Variants in HDLBP observed in about 807,000 individuals in gnomAD.
HDLBP encodes vigilin.
In HDLBP, 30 loss-of-function variants were observed where a neutral mutation model predicts 137.3. That is an observed-to-expected ratio of 0.22 (90% confidence interval 0.16 to 0.30). The LOEUF (loss-of-function observed/expected upper bound fraction) is 0.30. Among genes scored for constraint, HDLBP ranks in the 10% least tolerant of loss-of-function variants. The pLI is 1.00. For synonymous variants in HDLBP, 606 were observed against 596.0 expected, an observed-to-expected ratio of 1.02 and a Z score of -0.24; for missense variants, 1,119 against 1,667.3, an observed-to-expected ratio of 0.67 and a Z score of 5.73.
At chr2:241,264,780 C>T (rs2073520878) in intron 3 of HDLBP, among the ~76,000 whole-genome samples, 175 bp from the exon 4 acceptor site, 1 of 152,108 alleles carries the variant, frequency 6.6e-6, no homozygotes, top group East Asian at 1.9e-4. Context: ...CCCAGGAGGT[C>T]ACCAGGCCCA....
At chr2:241,259,027 C>T (rs1462805469) in intron 5 of HDLBP, among the ~76,000 whole-genome samples, 1 of 152,190 alleles carries the variant, frequency 6.6e-6, no homozygotes, top group Non-Finnish European at 1.5e-5. Flanking sequence ...ACGATTGCTA[C>T]TGTAACATAA....
intron 1 of HDLBP, among the ~76,000 whole-genome samples, chr2:241,308,756 G>A (rs1367395280): frequency 4.6e-5 from 7 of 152,174 alleles, no homozygotes; most frequent in Admixed American, 3.9e-4. Context: ...ACCTCGACCT[G>A]TGATAACAAC....
chr2:241,262,692 T>A lies in HDLBP; in HGVS notation c.450+19A>T. On this transcript the variant is annotated intron_variant, in intron 5 of 27. Transcript: ENST00000310931. ...CGGGTACACAGTCACTGGGGAGAAG[T>A]AGGCCTCAGGCTACCCACCTGAGTC... 6.3e-7 allele frequency: 1 copy of A among 1,582,402 alleles called. No individual in the cohort carries two copies. Among genetic ancestry groups the A allele is most frequent in the Non-Finnish European group, 8.7e-7 (1 of 1,152,292 alleles).
chr2:241,271,634 AT>A (rs1359081428), intron 1 of HDLBP, among the ~76,000 whole-genome samples: 4 of 152,232 alleles, frequency 2.6e-5, no homozygotes, highest in African/African-American at 9.6e-5. Flanking sequence ...TTCGAAGAGA[AT>A]TATCAGTAAT....
chr2:241,235,331 A>G, intron 22 of HDLBP, 76 bp from the exon 23 acceptor site: 1 of 1,596,710 alleles, frequency 6.3e-7, no homozygotes, highest in South Asian at 1.1e-5. Context: ...TGGGACCCAG[A>G]AGTGGTGAGA....
intron 1 of HDLBP, among the ~76,000 whole-genome samples, chr2:241,300,449 A>G (rs2075354242): frequency 6.6e-6 from 1 of 152,212 alleles, no homozygotes; most frequent in Admixed American, 6.5e-5. Context: ...GGCTTAAGGA[A>G]AGTACACACA....
At chr2:241,258,008 C>T (rs2072819301) in intron 5 of HDLBP, among the ~76,000 whole-genome samples, 1 of 152,124 alleles carries the variant, frequency 6.6e-6, no homozygotes, top group African/African-American at 2.4e-5. Context: ...AATCCCAGCA[C>T]TCCGGGAAGC....
At chr2:241,256,950 T>G (rs1487076532) in intron 5 of HDLBP, 144 bp from the exon 6 acceptor site, 2 of 708,588 alleles carry the variant, frequency 2.8e-6, no homozygotes, top group Non-Finnish European at 4.7e-6. Context: ...AGCATGAGCT[T>G]AAACATCACA....
At position 241,268,517 on chromosome 2, in the gene HDLBP, G is replaced by A. The variant is rs2073844645; in HGVS notation, c.-78C>T. ...TAGCCAGAAGGTCCGTCCTGAGGCC[G>A]CCTCTGTCAGCCTGCCAGCTTTTGC... On this transcript the variant is annotated 5_prime_UTR_variant, in exon 2 of 28. Coordinates refer to ENST00000310931, the MANE Select transcript of HDLBP (RefSeq NM_005336.6). 29 of 985,622 alleles carry A rather than the reference G, an allele frequency of 2.9e-5. No individual in the cohort carries two copies. Among genetic ancestry groups the A allele is most frequent in the Non-Finnish European group, 3.5e-5 (29 of 829,816 alleles). The allele number at this position is 985,622 out of a possible 1,614,324, so 61.1% of individuals were successfully genotyped here.
chr2:241,297,093 G>C (rs902307269), intron 1 of HDLBP, among the ~76,000 whole-genome samples: 5 of 143,144 alleles, frequency 3.5e-5, no homozygotes, highest in Non-Finnish European at 7.7e-5. Flanking sequence ...TGCAAAAAGA[G>C]AGCGTGTAGG....
At chr2:241,310,209 G>C (rs2075719252) in intron 1 of HDLBP, among the ~76,000 whole-genome samples, 1 of 152,002 alleles carries the variant, frequency 6.6e-6, no homozygotes, top group Non-Finnish European at 1.5e-5. Flanking sequence ...GAGGGAACAA[G>C]AAAAAGCTCT....
chr2:241,280,053 C>T, intron 1 of HDLBP: 1 of 985,388 alleles, frequency 1.0e-6, no homozygotes, highest in Non-Finnish European at 1.2e-6. Context: ...AGGCGCCCAC[C>T]ACTTCCTTGG....
Position 241,252,996 on chromosome 2 carries a change from T to G in HDLBP, c.1333A>C (p.Lys445Gln). 1.9e-6 allele frequency: 3 copies of G among 1,609,286 alleles called. No individual in the cohort carries two copies. The highest frequency in any genetic ancestry group is 2.6e-6 in the Non-Finnish European group (3 of 1,175,916). Residue 445 changes from lysine to glutamine, a missense_variant, in exon 11 of 28, where the codon AAG becomes CAG. By Grantham distance (53) the Lys-to-Gln change is moderately conservative. This residue lies in a region of HDLBP where 425 missense variants were observed against 693.9 expected (regional missense o/e 0.61). Transcript: ENST00000310931. ...TTCCCAATGAGGTGCCTGTGGAACTTGTGGTCGATGTTGATCTCCACATAG... is the reference window on the plus strand; with the variant it reads ...TTCCCAATGAGGTGCCTGTGGAACTGGTGGTCGATGTTGATCTCCACATAG... ...MDYVEINIDH[K>Q]FHRHLIGKSG... is the part of the protein sequence containing the mutation.
At chr2:241,232,130 C>T (rs573711786) in intron 24 of HDLBP, among the ~76,000 whole-genome samples, 1 of 152,224 alleles carries the variant, frequency 6.6e-6, no homozygotes, top group Non-Finnish European at 1.5e-5. Flanking sequence ...CTGACAGCCT[C>T]AGGCACCACC....
intron 1 of HDLBP, among the ~76,000 whole-genome samples, chr2:241,306,473 A>G (rs7603125): frequency 0.8 from 121,499 of 151,884 alleles, 48,762 homozygotes; most frequent in East Asian, 0.95. Flanking sequence ...TGGTCAGGCC[A>G]GTCTCGAACT....
rs1475845321 is a variant in HDLBP, at chr2:241,251,514, T to G, written c.1372+1443A>C. ...ACGTCAGTCATGTTATGCAGGTCGG[T>G]GTCCCACTACCTGGGAAAGGCTCCT... On this transcript the variant is annotated intron_variant, in intron 11 of 27. Transcript: ENST00000310931. Among the ~76,000 whole-genome samples, 3 of 152,354 alleles carry G rather than the reference T, an allele frequency of 2.0e-5. No homozygotes were observed. In the South Asian group the frequency reaches 6.2e-4, roughly 32 times the overall value.
rs778242163 is a variant in HDLBP, at chr2:241,264,511, G to T, written c.171C>A (p.Ala57=). ...TCCCCCAGGCTCCAGCGGGTTCCTGGGCACTTTCCAGGCAAGCAGCTTTCT... is the reference window on the plus strand; with the variant it reads ...TCCCCCAGGCTCCAGCGGGTTCCTGTGCACTTTCCAGGCAAGCAGCTTTCT... ...LPEKAACLES[A]QEPAGAWGNK... The change falls in exon 4 of 28, where the codon GCC becomes GCA. Residue 57 remains alanine, a synonymous_variant. Transcript: ENST00000310931. 13 of 1,613,750 alleles carry T rather than the reference G, an allele frequency of 8.1e-6. No homozygotes were observed.
Position 241,230,228 on chromosome 2 carries a change from G to C in HDLBP, c.3516C>G (p.Asn1172Lys). Residue 1172 changes from asparagine (N) to lysine (K), a missense_variant, in exon 26 of 28, where the codon AAC becomes AAG. Coordinates refer to ENST00000310931, the MANE Select transcript of HDLBP (RefSeq NM_005336.6). The surrounding 1 kb of genome is among the most constrained non-coding windows in gnomAD (Gnocchi z 5.0). ...CTGGGAGCCCCGTCACAGTGACGCA[G>C]TTGGGGTCTGGGGCTCCGCTCTGTG... ...RFPQSGAPDP[N>K]CVTVTGLPEN... 1 of 1,612,130 alleles carries C rather than the reference G, an allele frequency of 6.2e-7. No homozygotes were observed. Among genetic ancestry groups the C allele is most frequent in the Non-Finnish European group, 8.5e-7 (1 of 1,178,504 alleles).
At chr2:241,250,225 C>G (rs573066457) in intron 11 of HDLBP, 1 of 373,092 alleles carries the variant, frequency 2.7e-6, no homozygotes, top group East Asian at 4.5e-5. Flanking sequence ...CTGGAAATGC[C>G]CCGAGACCTT....
Sources: allele counts gnomAD v4.1 joint callset (sites outside exome capture counted in the v4.1 genomes callset), GRCh38; gene constraint gnomAD v4.1.1; regional missense constraint gnomAD v4.1.1; non-coding constraint Gnocchi (gnomAD v3.1); transcripts MANE v1.5; gene names NCBI Gene and HGNC (gene_info 2026-07-23, HGNC 2026-07-21).